The following KIF13A variants were observed in gnomAD, a reference collection of about 807,000 sequenced individuals.
KIF13A encodes kinesin-like protein KIF13A.
Under a neutral mutation model 212.2 loss-of-function variants are expected in KIF13A, and 79 were observed. The ratio of observed to expected loss-of-function variants is 0.37; its 90% CI spans 0.31 to 0.45. The LOEUF is 0.45. KIF13A is among the 20% of genes least tolerant of loss of function. KIF13A has a pLI of 1.00. For missense variants in KIF13A, 1,901 were observed against 2,209.0 expected (o/e 0.86, Z 2.79); for synonymous variants, 789 against 808.6 (o/e 0.98, Z 0.41).
At chr6:17,938,813 G>T (rs1158213413) in intron 2 of KIF13A, among the ~76,000 whole-genome samples, 2 of 127,792 alleles carry the variant, frequency 1.6e-5, no homozygotes, top group South Asian at 3.0e-4. Flanking sequence ...CACTGCCTTA[G>T]AGTGAATTTT....
Position 17,809,408 on chromosome 6 carries a change from ACT to A in KIF13A, c.2001-480_2001-479del, listed in dbSNP as rs1185627170. On this transcript the variant is annotated intron_variant, in intron 17 of 38. Transcript: ENST00000259711. This position sits in a 1 kb window ranked among gnomAD's most constrained non-coding sequence, Gnocchi z 4.7. ...GCAGTAGCAGGAATTCTTCGTTTCA[ACT>A]CTCTGTACAACATTACTTGCTGATA... 2.0e-5 allele frequency among the ~76,000 whole-genome samples: 3 copies of A among 152,042 alleles called. No individual in the cohort carries two copies. The highest frequency in any genetic ancestry group is 7.3e-5 in the African/African-American group (3 of 41,370).
chr6:17,907,574 G>C (rs1397785457), intron 2 of KIF13A, among the ~76,000 whole-genome samples: 1 of 151,290 alleles, frequency 6.6e-6, no homozygotes, highest in Non-Finnish European at 1.5e-5. Context: ...AAAAGGAACT[G>C]GTATGACAAC....
chr6:17,824,097 G>T (rs1263084060), intron 16 of KIF13A, among the ~76,000 whole-genome samples: 1 of 151,526 alleles, frequency 6.6e-6, no homozygotes, highest in Non-Finnish European at 1.5e-5. Context: ...TTGGAGATAT[G>T]GGGTTTTGCC....
intron 17 of KIF13A, chr6:17,812,332 C>T (rs565063842): frequency 1.3e-5 from 2 of 151,776 alleles, no homozygotes; most frequent in Non-Finnish European, 2.9e-5. Context: ...TTTCCTGAGC[C>T]TCTCCCTCCT....
intron 31 of KIF13A, 35 bp from the exon 32 acceptor site, chr6:17,779,719 G>A: frequency 1.2e-6 from 1 of 844,168 alleles, no homozygotes. Flanking sequence ...ATTAAGCTAT[G>A]TGACAAATGT....
Position 17,829,563 on chromosome 6 carries a change from A to G in KIF13A, c.1402-1193T>C, listed in dbSNP as rs1462168865. 6.6e-6 allele frequency among the ~76,000 whole-genome samples: 1 copy of G among 152,226 alleles called. No homozygotes were observed. Among genetic ancestry groups the G allele is most frequent in the African/African-American group, 2.4e-5 (1 of 41,454 alleles). On this transcript the variant is annotated intron_variant, in intron 13 of 38. Coordinates refer to ENST00000259711, the MANE Select transcript of KIF13A (RefSeq NM_022113.6). This position sits in a 1 kb window ranked among gnomAD's most constrained non-coding sequence, Gnocchi z 5.4. ...ATGTGATTTTAAGTACCTGAACCTCAGACATACGAGGACTGTGACTATTGG... is the reference window on the plus strand; with the variant it reads ...ATGTGATTTTAAGTACCTGAACCTCGGACATACGAGGACTGTGACTATTGG...
intron 25 of KIF13A, among the ~76,000 whole-genome samples, chr6:17,790,503 G>A (rs1038214000): frequency 2.6e-5 from 4 of 152,198 alleles, no homozygotes; most frequent in Admixed American, 2.0e-4. Flanking sequence ...CAGCTGATAT[G>A]TATTTTGGGG....
chr6:17,891,938 T>C (rs1007006082), intron 3 of KIF13A, among the ~76,000 whole-genome samples: 1 of 152,206 alleles, frequency 6.6e-6, no homozygotes, highest in Admixed American at 6.5e-5. Context: ...TATTCTCTCA[T>C]GTCTTCTATT....
intron 2 of KIF13A, among the ~76,000 whole-genome samples, chr6:17,942,154 T>C (rs1406940229): frequency 6.6e-6 from 1 of 151,440 alleles, no homozygotes; most frequent in Non-Finnish European, 1.5e-5. Flanking sequence ...ACACAAAAAT[T>C]AGCCAGGCGT....
chr6:17,965,314 C>G (rs1355233697), intron 2 of KIF13A, among the ~76,000 whole-genome samples: 1 of 124,580 alleles, frequency 8.0e-6, no homozygotes, highest in Non-Finnish European at 1.7e-5. Flanking sequence ...TGTTTCCATA[C>G]AACCATCTAG....
chr6:17,934,032 A>C lies in KIF13A; in HGVS notation c.147-35852T>G, dbSNP rs369452890. Among the ~76,000 whole-genome samples, 8 of 152,236 alleles carry C rather than the reference A, an allele frequency of 5.3e-5. No individual in the cohort carries two copies. Among genetic ancestry groups the C allele is most frequent in the African/African-American group, 1.7e-4 (7 of 41,458 alleles). On this transcript the variant is annotated intron_variant, in intron 2 of 38. Coordinates refer to ENST00000259711, the MANE Select transcript of KIF13A (RefSeq NM_022113.6). The surrounding 1 kb of genome is among the most constrained non-coding windows in gnomAD (Gnocchi z 5.4). ...TCACAGATAAAGAAAGCTGCCTTTT[A>C]TAACTCAATTCAATCTAAATTGTGT... is the stretch of plus-strand genomic sequence containing the variant.
intron 2 of KIF13A, among the ~76,000 whole-genome samples, chr6:17,976,202 G>C (rs918902067): frequency 1.3e-5 from 2 of 152,240 alleles, no homozygotes; most frequent in Non-Finnish European, 2.9e-5. Context: ...CTCAGCCCTT[G>C]GGTGGTCGAT....
chr6:17,955,085 C>G (rs546703732), intron 2 of KIF13A, among the ~76,000 whole-genome samples: 35 of 152,294 alleles, frequency 2.3e-4, no homozygotes, highest in African/African-American at 8.2e-4. Context: ...CTGCCGCCAC[C>G]TCCCAAAGTG....
intron 2 of KIF13A, among the ~76,000 whole-genome samples, chr6:17,931,095 C>A (rs1775944768): frequency 6.6e-6 from 1 of 152,220 alleles, no homozygotes; most frequent in Non-Finnish European, 1.5e-5. Context: ...TGATGTTACA[C>A]ACTTATTATT....
Position 17,814,023 on chromosome 6 carries a change from G to C in KIF13A, c.2000+2997C>G, listed in dbSNP as rs1170655857. 5.0e-5 allele frequency among the ~76,000 whole-genome samples: 7 copies of C among 138,922 alleles called. No individual in the cohort carries two copies. The Admixed American group carries it at 5.6e-4, about 11-fold the overall frequency. 91.1% of individuals were successfully genotyped at this position (138,922 alleles called of 152,430 possible). A position where few individuals can be genotyped will look rare whatever the true frequency, so the allele number is the denominator to read the frequency against. ...GCTGGAGTGCAGTGGCATGATCTCA[G>C]CTCACTGCAAGCTCCGCCTCCCAGG... On this transcript the variant is annotated intron_variant, in intron 17 of 38. Transcript: ENST00000259711.
In KIF13A at chr6:17,898,168, C is replaced by T; in HGVS notation, c.159G>A (p.Lys53=). 1 of 1,612,660 alleles carries T rather than the reference C, an allele frequency of 6.2e-7. No individual in the cohort carries two copies. Among genetic ancestry groups the T allele is most frequent in the Non-Finnish European group, 8.5e-7 (1 of 1,179,322 alleles). Residue 53 remains lysine (K), a splice_region_variant and synonymous_variant, in exon 3 of 39, where the codon AAG becomes AAA. Transcript: ENST00000259711. The surrounding 1 kb of genome is among the most constrained non-coding windows in gnomAD (Gnocchi z 5.2). ...TGCCAAATTTCATATTAGTGCTTAC[C>T]TTGGGAGGTTTCCTTAATGATGGGA... ...NTKQGERKPP[K]VFAFDYCFWS...
chr6:17,816,476 C>T lies in KIF13A; in HGVS notation c.2000+544G>A, dbSNP rs1030871700. ...GTGACCTTATAGGCATGCACCACCACGCCTGGGTAATTTTTACTTTTTGTA... is the reference window on the plus strand; with the variant it reads ...GTGACCTTATAGGCATGCACCACCATGCCTGGGTAATTTTTACTTTTTGTA... On this transcript the variant is annotated intron_variant, in intron 17 of 38. Transcript: ENST00000259711. The surrounding 1 kb of genome is among the most constrained non-coding windows in gnomAD (Gnocchi z 4.3). Among the ~76,000 whole-genome samples, 5 of 152,138 alleles carry T rather than the reference C, an allele frequency of 3.3e-5. No individual in the cohort carries two copies. The highest frequency in any genetic ancestry group is 2.1e-4 in the South Asian group (1 of 4,810).
At chr6:17,868,109 C>T (rs1299839216) in intron 4 of KIF13A, among the ~76,000 whole-genome samples, 1 of 152,228 alleles carries the variant, frequency 6.6e-6, no homozygotes, top group Non-Finnish European at 1.5e-5. Context: ...AGCAACATGC[C>T]ATATGGCAAG....
At chr6:17,760,921 TCCCCACCC>T, downstream of KIF13A, 1 of 1,602,070 alleles carries the variant, frequency 6.2e-7, no homozygotes, top group Non-Finnish European at 8.5e-7. Context: ...CATCCCCACC[TCCCCACCC>T]CACCCACAGC....
Sources: allele counts gnomAD v4.1 joint callset (sites outside exome capture counted in the v4.1 genomes callset), GRCh38; gene constraint gnomAD v4.1.1; non-coding constraint Gnocchi (gnomAD v3.1); transcripts MANE v1.5; gene names NCBI Gene and HGNC (gene_info 2026-07-23, HGNC 2026-07-21).